Variants in MYOM2 observed in about 807,000 individuals in gnomAD.
MYOM2 encodes the protein myomesin 2, also known as myomesin-2.
A neutral mutation model predicts 187.6 loss-of-function variants in MYOM2; 254 were observed. The ratio of observed to expected loss-of-function variants is 1.35; its 90% CI spans 1.22 to 1.50. The LOEUF (loss-of-function observed/expected upper bound fraction) is 1.50. MYOM2 is among the 40% of genes most tolerant of loss of function. MYOM2 has a pLI of 0.00. For synonymous variants in MYOM2, 981 were observed against 753.8 expected (o/e 1.30, Z -4.94); for missense variants, 2,796 against 1,924.0 (o/e 1.45, Z -8.48).
chr8:2,114,832 A>T (rs973572911), intron 25 of MYOM2, among the ~76,000 whole-genome samples: 2 of 152,004 alleles, frequency 1.3e-5, no homozygotes. Flanking sequence ...TGCCCAAGCG[A>T]TCCTCCTGCC....
At chr8:2,116,752 T>C (rs1269674942) in intron 27 of MYOM2, among the ~76,000 whole-genome samples, 1 of 152,036 alleles carries the variant, frequency 6.6e-6, no homozygotes, top group Non-Finnish European at 1.5e-5. Context: ...CAAGGGTTTA[T>C]TCAAAGAATT....
chr8:2,100,768 C>A, intron 19 of MYOM2, 108 bp from the exon 20 acceptor site: 1 of 1,051,092 alleles, frequency 9.5e-7, no homozygotes, highest in Non-Finnish European at 1.4e-6. Flanking sequence ...ACGGATGGTC[C>A]TGGTGGGGGG....
In MYOM2 at chr8:2,137,617, CAA is replaced by C. The variant is rs369764310; in HGVS notation, c.3801-3105_3801-3104del. Among the ~76,000 whole-genome samples the C allele has an allele frequency of 4.4e-3, 663 of 152,106 alleles. 4 individuals are homozygous for C. Among genetic ancestry groups the C allele is most frequent in the African/African-American group, 0.015 (607 of 41,450 alleles). On this transcript the variant is annotated intron_variant, in intron 32 of 36. Coordinates refer to ENST00000262113, the MANE Select transcript of MYOM2 (RefSeq NM_003970.4). ...GAACTTTGACCCTCATCAGTTCCAA[CAA>C]GAGAGGGTGACAAGATGACTAAGGC...
chr8:2,048,036 A>T (rs1818365634), intron 1 of MYOM2, among the ~76,000 whole-genome samples: 1 of 152,220 alleles, frequency 6.6e-6, no homozygotes, highest in South Asian at 2.1e-4. Flanking sequence ...TTCTCCTCTT[A>T]TTTCAATGTA....
At chr8:2,081,508 C>G (rs780499351) in intron 13 of MYOM2, among the ~76,000 whole-genome samples, 49 of 152,234 alleles carry the variant, frequency 3.2e-4, no homozygotes, top group Admixed American at 1.4e-3. Flanking sequence ...GTGGGCAGCC[C>G]GGATCACGCT....
At chr8:2,084,546 T>C (rs932988695) in intron 13 of MYOM2, among the ~76,000 whole-genome samples, 3 of 152,126 alleles carry the variant, frequency 2.0e-5, no homozygotes, top group African/African-American at 4.8e-5. Context: ...CCACCTCCAC[T>C]CCTTATGAAA....
chr8:2,064,347 G>A (rs35645898), intron 6 of MYOM2, among the ~76,000 whole-genome samples: 44,563 of 152,166 alleles, frequency 0.29, 7,667 homozygotes, highest in East Asian at 0.64. Flanking sequence ...AGGTGAGACA[G>A]CGGGAACCAT....
chr8:2,123,713 G>A (rs1797538493), intron 30 of MYOM2, 71 bp downstream of exon 30: 4 of 1,357,740 alleles, frequency 2.9e-6, no homozygotes, highest in East Asian at 2.3e-5. Flanking sequence ...GTATTCTGAA[G>A]GCAGGTCTAT....
chr8:2,061,899 G>A (rs1367161184), intron 6 of MYOM2, among the ~76,000 whole-genome samples: 2 of 152,298 alleles, frequency 1.3e-5, no homozygotes, highest in East Asian at 1.9e-4. Context: ...CAAGGATGCC[G>A]CCTTCCAGGT....
intron 32 of MYOM2, among the ~76,000 whole-genome samples, chr8:2,132,609 C>G (rs975294438): frequency 8.5e-5 from 13 of 152,076 alleles, no homozygotes; most frequent in African/African-American, 2.9e-4. Context: ...TTTTTTGAGA[C>G]AGAGTCTTGC....
intron 14 of MYOM2, among the ~76,000 whole-genome samples, chr8:2,089,486 A>G (rs950599748): frequency 2.6e-5 from 4 of 152,216 alleles, no homozygotes; most frequent in Admixed American, 1.3e-4. Context: ...AAAGATCTTT[A>G]TACAATAATT....
chr8:2,124,136 A>G lies in MYOM2; in HGVS notation c.3656-43A>G, dbSNP rs748182982. On this transcript the variant is annotated intron_variant, in intron 30 of 36. Transcript: ENST00000262113. Reference sequence around the variant, plus strand: ...AACATTGAAAATGCTGCTTTCGGTTAAAGTTACATGTCGTAATGGTGCGTA... The same window carrying G: ...AACATTGAAAATGCTGCTTTCGGTTGAAGTTACATGTCGTAATGGTGCGTA... The G allele has an allele frequency of 2.5e-6, 4 of 1,579,646 alleles. No homozygotes were observed. The Admixed American group carries it at 7.2e-5, about 28-fold the overall frequency.
intron 10 of MYOM2, among the ~76,000 whole-genome samples, 164 bp from the exon 11 acceptor site, chr8:2,075,977 A>T (rs905567222): frequency 6.6e-6 from 1 of 152,212 alleles, no homozygotes; most frequent in African/African-American, 2.4e-5. Flanking sequence ...ATTTCTTGTC[A>T]CCAACCCGCC....
chr8:2,101,177 C>G (rs773632770), intron 20 of MYOM2, 123 bp downstream of exon 20: 22 of 958,190 alleles, frequency 2.3e-5, no homozygotes, highest in Non-Finnish European at 3.2e-5. Flanking sequence ...GAAGCCCCGT[C>G]TCTACTAAAA....
chr8:2,107,060 G>A (rs149446415), intron 23 of MYOM2, among the ~76,000 whole-genome samples: 4 of 152,258 alleles, frequency 2.6e-5, no homozygotes, highest in Non-Finnish European at 4.4e-5. Context: ...CATGGAAGAC[G>A]GCAGAGAGAA....
intron 6 of MYOM2, among the ~76,000 whole-genome samples, chr8:2,059,977 T>C (rs182764994): frequency 1.3e-5 from 2 of 152,096 alleles, no homozygotes; most frequent in African/African-American, 4.8e-5. Context: ...CCCGACCTCA[T>C]GTGATCCACC....
intron 2 of MYOM2, among the ~76,000 whole-genome samples, chr8:2,051,517 G>C (rs1440032485): frequency 6.6e-6 from 1 of 152,220 alleles, no homozygotes; most frequent in Admixed American, 6.5e-5. Context: ...CAGCCCAGGT[G>C]CCTGCCTCAT....
At chr8:2,122,212 T>C (rs560272126) in intron 28 of MYOM2, among the ~76,000 whole-genome samples, 1 of 152,368 alleles carries the variant, frequency 6.6e-6, no homozygotes, top group East Asian at 1.9e-4. Flanking sequence ...AATCGTCTGC[T>C]AGAGTCGTGG....
Position 2,059,139 on chromosome 8 carries a change from C to T in MYOM2, c.561-14C>T, listed in dbSNP as rs760451487. ...ACTCTGCCTTTAAACTAAAAACATG[C>T]CTCCCTCATTTAGGTACAAAGATGG... On this transcript the variant is annotated splice_polypyrimidine_tract_variant and intron_variant, in intron 5 of 36. Coordinates refer to ENST00000262113, the MANE Select transcript of MYOM2 (RefSeq NM_003970.4). 5.6e-6 allele frequency: 9 copies of T among 1,611,232 alleles called. No individual in the cohort carries two copies. Among genetic ancestry groups the T allele is most frequent in the Admixed American group, 3.3e-5 (2 of 59,978 alleles).
Sources: gnomAD v4.1 joint callset for allele counts (sites outside exome capture counted in the v4.1 genomes callset) on GRCh38, gnomAD v4.1.1 for gene constraint, MANE v1.5 for transcripts, NCBI Gene and HGNC (gene_info 2026-07-23, HGNC 2026-07-21) for gene names.